Variants in IL3RA observed in about 807,000 individuals in gnomAD.
IL3RA encodes interleukin-3 receptor subunit alpha.
A neutral mutation model predicts 52.3 loss-of-function variants in IL3RA; 73 were observed. The ratio of observed to expected loss-of-function variants is 1.40; its 90% CI spans 1.16 to 1.70. The LOEUF (loss-of-function observed/expected upper bound fraction) is 1.70. Among genes scored for constraint, IL3RA ranks in the 40% most tolerant of loss-of-function variants. IL3RA has a pLI of 0.00. For missense variants in IL3RA, 664 were observed against 504.4 expected, an observed-to-expected ratio of 1.32 and a Z score of -3.03; for synonymous variants, 260 against 194.0, an observed-to-expected ratio of 1.34 and a Z score of -2.83.
chrX:1,345,352 C>G lies in IL3RA; in HGVS notation c.101C>G (p.Ala34Gly). The change falls in exon 3 of 12, where the codon GCA (alanine) becomes GGA (glycine). Residue 34 changes from alanine to glycine, a missense_variant. By Grantham distance (60) the Ala-to-Gly change is moderately conservative. Coordinates refer to ENST00000331035, the MANE Select transcript of IL3RA (RefSeq NM_002183.4). Reference sequence around the variant, plus strand: ...CCAATCACGAACCTAAGGATGAAAGCAAAGGCTCAGCAGTTGACCTGGGAC... The same window carrying G: ...CCAATCACGAACCTAAGGATGAAAGGAAAGGCTCAGCAGTTGACCTGGGAC... The part of the protein sequence containing the change: ...NPPITNLRMK[A>G]KAQQLTWDLN... The G allele has an allele frequency of 6.2e-7, 1 of 1,611,424 alleles. No individual in the cohort carries two copies. The highest frequency in any genetic ancestry group is 8.5e-7 in the Non-Finnish European group (1 of 1,178,468).
intron 1 of IL3RA, among the ~76,000 whole-genome samples, chrX:1,341,210 G>C (rs1234998007): frequency 6.6e-6 from 1 of 151,718 alleles, no homozygotes; most frequent in African/African-American, 2.4e-5. Context: ...TGAGGCAGGA[G>C]AGTCGCTTGA....
At chrX:1,347,571 A>G (rs1390985539) in intron 3 of IL3RA, among the ~76,000 whole-genome samples, 2 of 151,446 alleles carry the variant, frequency 1.3e-5, no homozygotes, top group African/African-American at 4.9e-5. Context: ...GTGAGCTGAG[A>G]TCGCACCACT....
intron 6 of IL3RA, among the ~76,000 whole-genome samples, chrX:1,353,394 G>GA (rs1650161167): frequency 7.2e-6 from 1 of 139,384 alleles, no homozygotes. Context: ...TGGGTCATAG[G>GA]ACCCCCATCA....
At chrX:1,348,699 T>A in intron 4 of IL3RA, among the ~76,000 whole-genome samples, 154 bp downstream of exon 4, 1 of 63,484 alleles carries the variant, frequency 1.6e-5, no homozygotes, top group African/African-American at 1.0e-4. Context: ...TCTTTTTCTT[T>A]CTTTCTGTTT....
chrX:1,378,603 C>A, intron 9 of IL3RA, 56 bp from the exon 10 acceptor site: 1 of 1,460,214 alleles, frequency 6.8e-7, no homozygotes, highest in Non-Finnish European at 9.5e-7. Context: ...AGCTTACAGT[C>A]CCTGGTCCCC....
intron 9 of IL3RA, among the ~76,000 whole-genome samples, chrX:1,370,184 T>G (rs1214461024): frequency 2.4e-5 from 1 of 41,648 alleles, no homozygotes; most frequent in Non-Finnish European, 3.7e-5. Context: ...CACCTGGATC[T>G]CAGACCTCCA....
intron 3 of IL3RA, among the ~76,000 whole-genome samples, chrX:1,346,190 G>A (rs1306346115): frequency 3.3e-4 from 50 of 152,072 alleles, no homozygotes; most frequent in Non-Finnish European, 6.2e-4. Context: ...GCTCACACCA[G>A]CACTTTGAGA....
At chrX:1,347,331 C>G (rs1344954050) in intron 3 of IL3RA, among the ~76,000 whole-genome samples, 1 of 151,102 alleles carries the variant, frequency 6.6e-6, no homozygotes, top group Non-Finnish European at 1.5e-5. Context: ...GTAGTCCCAG[C>G]TACTCGGGAG....
At chrX:1,343,940 C>T (rs1158369788) in intron 2 of IL3RA, among the ~76,000 whole-genome samples, 8 of 151,450 alleles carry the variant, frequency 5.3e-5, no homozygotes, top group South Asian at 2.1e-4. Flanking sequence ...GGATTACAGG[C>T]GCCCGCCACC....
intron 1 of IL3RA, among the ~76,000 whole-genome samples, chrX:1,338,026 T>A (rs1216726682): frequency 6.8e-6 from 1 of 146,284 alleles, no homozygotes; most frequent in Non-Finnish European, 1.5e-5. Context: ...AGAAATATAA[T>A]GTGGTCCAGA....
At chrX:1,351,908 G>A (rs2086102546) in intron 4 of IL3RA, among the ~76,000 whole-genome samples, 192 bp from the exon 5 acceptor site, 2 of 152,070 alleles carry the variant, frequency 1.3e-5, no homozygotes, top group African/African-American at 2.4e-5. Context: ...GGGATCACAG[G>A]CGCGTGCCAC....
chrX:1,343,527 C>T (rs187820157), intron 2 of IL3RA, among the ~76,000 whole-genome samples: 6 of 151,288 alleles, frequency 4.0e-5, no homozygotes, highest in East Asian at 2.0e-4. Context: ...ATTAGCTGGG[C>T]GCGGTGCTGT....
At chrX:1,351,260 A>AT (rs2086069960) in intron 4 of IL3RA, among the ~76,000 whole-genome samples, 1 of 152,150 alleles carries the variant, frequency 6.6e-6, no homozygotes, top group Non-Finnish European at 1.5e-5. Flanking sequence ...TATTATTATT[A>AT]TTTTTTACAA....
chrX:1,340,065 G>T (rs1188471242), intron 1 of IL3RA, among the ~76,000 whole-genome samples: 3 of 151,688 alleles, frequency 2.0e-5, no homozygotes, highest in African/African-American at 7.3e-5. Flanking sequence ...GATACAGCTC[G>T]AGCCAAGAAC....
intron 7 of IL3RA, among the ~76,000 whole-genome samples, chrX:1,356,703 T>A (rs1312627420): frequency 6.8e-6 from 1 of 147,030 alleles, no homozygotes; most frequent in Non-Finnish European, 1.5e-5. Flanking sequence ...ACCCAGGAGG[T>A]GGGGGTTGCA....
intron 4 of IL3RA, among the ~76,000 whole-genome samples, 183 bp downstream of exon 4, chrX:1,348,728 CTTTT>C (rs368058337): frequency 3.5e-5 from 2 of 57,156 alleles, no homozygotes; most frequent in East Asian, 2.5e-4. Flanking sequence ...TTCTTCCTTT[CTTTT>C]TCTTTCTTTC....
chrX:1,356,597 G>A (rs1386645603), intron 7 of IL3RA, among the ~76,000 whole-genome samples: 1 of 151,886 alleles, frequency 6.6e-6, no homozygotes. Context: ...GTGAAACCCC[G>A]TCTCTACTAA....
chrX:1,364,794 AT>A lies in IL3RA; in HGVS notation c.760-341del, dbSNP rs1322119865. On this transcript the variant is annotated intron_variant, in intron 8 of 11. Coordinates refer to ENST00000331035, the MANE Select transcript of IL3RA (RefSeq NM_002183.4). Reference sequence around the variant, plus strand: ...CACCCAGCCCCTCTTTTCTTCTTTTATTTATTTATTTATTTATTTATTTATT... The same window carrying A: ...CACCCAGCCCCTCTTTTCTTCTTTTATTATTTATTTATTTATTTATTTATT... Among the ~76,000 whole-genome samples the A allele has an allele frequency of 2.9e-3, 356 of 123,014 alleles. 6 individuals carry two copies. The South Asian group carries it at 0.034, about 12-fold the overall frequency. 80.7% of individuals were successfully genotyped at this position (123,014 alleles called of 152,430 possible). A position where few individuals can be genotyped will look rare whatever the true frequency, so the allele number is the denominator to read the frequency against.
intron 3 of IL3RA, among the ~76,000 whole-genome samples, chrX:1,346,409 AG>A (rs1416874282): frequency 6.6e-6 from 1 of 151,864 alleles, no homozygotes; most frequent in African/African-American, 2.4e-5. Flanking sequence ...ACTGCACTCC[AG>A]CCTGGGGGAC....
Sources: gnomAD v4.1 joint callset for allele counts (sites outside exome capture counted in the v4.1 genomes callset) on GRCh38, gnomAD v4.1.1 for gene constraint, MANE v1.5 for transcripts, NCBI Gene and HGNC (gene_info 2026-07-23, HGNC 2026-07-21) for gene names.